Variants in HGFAC observed in about 807,000 individuals in gnomAD.
The protein encoded by HGFAC is HGF activator.
A neutral mutation model predicts 70.6 loss-of-function variants in HGFAC; 76 were observed. That is an observed-to-expected ratio of 1.08 (90% CI 0.89 to 1.30). The LOEUF is 1.30. Among genes scored for constraint, HGFAC ranks in the 50% most tolerant of loss-of-function variants. HGFAC has a pLI of 0.00. For synonymous variants in HGFAC, 464 were observed against 405.3 expected, an observed-to-expected ratio of 1.14 and a Z score of -1.74; for missense variants, 1,044 against 933.7, an observed-to-expected ratio of 1.12 and a Z score of -1.54.
chr4:3,446,357 T>C (rs1255138995), intron 10 of HGFAC, 63 bp downstream of exon 10: 1 of 1,549,780 alleles, frequency 6.5e-7, no homozygotes, highest in Non-Finnish European at 8.7e-7. Context: ...AGCGTCACTA[T>C]GCGCCTGTCC....
intron 13 of HGFAC, among the ~76,000 whole-genome samples, chr4:3,448,714 C>T (rs1022941498): frequency 1.1e-4 from 16 of 152,196 alleles, no homozygotes; most frequent in East Asian, 3.9e-4. Flanking sequence ...TGTGCTCAGG[C>T]GGCACGGCAA....
intron 4 of HGFAC, 64 bp from the exon 5 acceptor site, chr4:3,443,975 A>G (rs1725399422): frequency 4.7e-6 from 7 of 1,497,830 alleles, no homozygotes; most frequent in Non-Finnish European, 6.3e-6. Flanking sequence ...GCAAGCAGAG[A>G]ATGTCACAGA....
In HGFAC at chr4:3,444,132, G is replaced by C; in HGVS notation, c.569G>C (p.Arg190Pro). 2 of 1,611,350 alleles carry C rather than the reference G, an allele frequency of 1.2e-6. No individual in the cohort carries two copies. The highest frequency in any genetic ancestry group is 1.7e-6 in the Non-Finnish European group (2 of 1,179,340). Residue 190 changes from arginine to proline, a missense_variant, in exon 5 of 14, where the codon CGG (arginine) becomes CCG (proline). Coordinates refer to ENST00000382774, the MANE Select transcript of HGFAC (RefSeq NM_001528.4). ...CAGTCCTATCACTGCAGCTGCCCCC[G>C]GGCCTTCACCGGCAAGGACTGCGGC... ...DPQSYHCSCP[R>P]AFTGKDCGTE...
chr4:3,446,604 T>G (rs1005213736), intron 10 of HGFAC, among the ~76,000 whole-genome samples: 1 of 151,944 alleles, frequency 6.6e-6, no homozygotes, highest in Non-Finnish European at 1.5e-5. Flanking sequence ...GCCCCGCCCC[T>G]CCCAGAGTCC....
intron 9 of HGFAC, chr4:3,445,695 GC>G: frequency 3.2e-6 from 2 of 634,018 alleles, no homozygotes; most frequent in Non-Finnish European, 2.7e-6. Context: ...CTGGGGAGAG[GC>G]CCCCCGGCTC....
chr4:3,446,151 G>T lies in HGFAC; in HGVS notation c.1212G>T (p.Leu404=). Residue 404 remains leucine (L), a synonymous_variant, in exon 10 of 14, where the codon CTG becomes CTT. Coordinates refer to ENST00000382774, the MANE Select transcript of HGFAC (RefSeq NM_001528.4). ...CGRRHKKRTF[L]RPRIIGGSSS... is the part of the protein sequence containing the mutation. ...GGAGGCACAAGAAGAGGACGTTCCTGCGGCCACGTATCATCGGCGGCTCCT... is the reference window on the plus strand; with the variant it reads ...GGAGGCACAAGAAGAGGACGTTCCTTCGGCCACGTATCATCGGCGGCTCCT... 3.1e-6 allele frequency: 5 copies of T among 1,611,844 alleles called. No homozygotes were observed. Among genetic ancestry groups the T allele is most frequent in the Non-Finnish European group, 4.2e-6 (5 of 1,179,600 alleles).
chr4:3,445,254 A>C lies in HGFAC; in HGVS notation c.1017-11A>C. ...TGTGACTCCCTGCCAGCCCCCACTT[A>C]TGCACCGCAGGAATCCGGACAATGA... On this transcript the variant is annotated splice_polypyrimidine_tract_variant and intron_variant, in intron 8 of 13. Transcript: ENST00000382774. The C allele has an allele frequency of 6.4e-7, 1 of 1,562,202 alleles. No homozygotes were observed.
chr4:3,444,201 G>A (rs555301746), intron 5 of HGFAC, 40 bp downstream of exon 5: 53 of 1,570,090 alleles, frequency 3.4e-5, no homozygotes, highest in Middle Eastern at 3.5e-4. Flanking sequence ...TCCAGGGGCC[G>A]GAGCAAGTCC....
chr4:3,448,903 G>C (rs1410316191), intron 13 of HGFAC, among the ~76,000 whole-genome samples: 1 of 152,170 alleles, frequency 6.6e-6, no homozygotes, highest in African/African-American at 2.4e-5. Flanking sequence ...TGTTTGCACT[G>C]GTCCTGAGTG....
At position 3,447,889 on chromosome 4, in the gene HGFAC, G is replaced by A. The variant is rs754565481; in HGVS notation, c.1496-6G>A. 4 of 1,610,672 alleles carry A rather than the reference G, an allele frequency of 2.5e-6. No homozygotes were observed. In the South Asian group the frequency reaches 4.4e-5, roughly 18 times the overall value. On this transcript the variant is annotated splice_polypyrimidine_tract_variant and splice_region_variant and intron_variant, in intron 11 of 13. Coordinates refer to ENST00000382774, the MANE Select transcript of HGFAC (RefSeq NM_001528.4). Reference sequence around the variant, plus strand: ...ACAGGCTGACCCTGGCCACTCTTCTGATCAGTCCTGATCCGGCTGAAGAAG... The same window carrying A: ...ACAGGCTGACCCTGGCCACTCTTCTAATCAGTCCTGATCCGGCTGAAGAAG...
chr4:3,448,421 C>A, intron 13 of HGFAC, 145 bp downstream of exon 13: 1 of 1,010,402 alleles, frequency 9.9e-7, no homozygotes, highest in East Asian at 2.6e-5. Context: ...GCAGGGAGCA[C>A]ACTTACTGTC....
In HGFAC at chr4:3,443,958, C is replaced by T. The variant is rs144207097; in HGVS notation, c.476-81C>T. 2.2e-4 allele frequency: 322 copies of T among 1,443,964 alleles called. No homozygotes were observed. In the East Asian group the frequency reaches 4.7e-3, roughly 21 times the overall value. The allele number at this position is 1,443,964 out of a possible 1,614,324, so 89.4% of individuals were successfully genotyped here. ...GAGCCCCTCACTGGGGCCTGATGGA[C>T]GCCTTAGCAAGCAGAGAATGTCACA... is the stretch of plus-strand genomic sequence containing the variant. On this transcript the variant is annotated intron_variant, in intron 4 of 13. Coordinates refer to ENST00000382774, the MANE Select transcript of HGFAC (RefSeq NM_001528.4).
intron 13 of HGFAC, among the ~76,000 whole-genome samples, chr4:3,448,507 T>C (rs1725612043): frequency 6.6e-6 from 1 of 152,100 alleles, no homozygotes; most frequent in Non-Finnish European, 1.5e-5. Context: ...AGACCCAGGC[T>C]CTGAGAGGGG....
At chr4:3,445,458 A>G in intron 9 of HGFAC, 108 bp downstream of exon 9, 1 of 804,418 alleles carries the variant, frequency 1.2e-6, no homozygotes. Flanking sequence ...TCTCTGACAA[A>G]TGGGGAAACT....
intron 4 of HGFAC, 70 bp from the exon 5 acceptor site, chr4:3,443,969 G>A: frequency 6.7e-7 from 1 of 1,487,428 alleles, no homozygotes; most frequent in Non-Finnish European, 9.0e-7. Context: ...GCCTTAGCAA[G>A]CAGAGAATGT....
intron 1 of HGFAC, 82 bp from the exon 2 acceptor site, chr4:3,442,649 AG>A: frequency 9.6e-7 from 1 of 1,037,214 alleles, no homozygotes; most frequent in Non-Finnish European, 1.3e-6. Flanking sequence ...GTATGGAAAC[AG>A]GCTCAGGGCT....
intron 10 of HGFAC, 50 bp from the exon 11 acceptor site, chr4:3,447,442 G>T (rs549044627): frequency 6.2e-7 from 1 of 1,603,556 alleles, no homozygotes; most frequent in African/African-American, 1.3e-5. Context: ...AGGTGAGCCC[G>T]GTGGCTGGGG....
At position 3,444,633 on chromosome 4, in the gene HGFAC, C is replaced by A; in HGVS notation, c.741C>A (p.Ser247Arg). 1 of 1,594,918 alleles carries A rather than the reference C, an allele frequency of 6.3e-7. No individual in the cohort carries two copies. Among genetic ancestry groups the A allele is most frequent in the Non-Finnish European group, 8.5e-7 (1 of 1,176,674 alleles). ...CGGCCCTGCCCCCAGCTTGTCTGAG[C>A]AGCCCTTGCCTGAACGGGGGCACCT... Reference protein sequence around the residue: ...CEGTRHTACLSSPCLNGGTCH... With the variant: ...CEGTRHTACLRSPCLNGGTCH... Residue 247 changes from serine to arginine, a missense_variant, in exon 7 of 14, where the codon AGC becomes AGA. Transcript: ENST00000382774.
Position 3,448,222 on chromosome 4 carries a change from C to A in HGFAC, c.1731C>A (p.Ile577=). The A allele has an allele frequency of 6.2e-7, 1 of 1,608,908 alleles. No individual in the cohort carries two copies. Residue 577 remains isoleucine, a synonymous_variant, in exon 13 of 14, where the codon ATC becomes ATA. Transcript: ENST00000382774. The part of the protein sequence containing the change: ...CSSPEVYGAD[I]SPNMLCAGYF... Reference sequence around the variant, plus strand: ...GCCCTGAGGTCTACGGCGCCGACATCAGCCCCAACATGCTCTGTGCCGGCT... The same window carrying A: ...GCCCTGAGGTCTACGGCGCCGACATAAGCCCCAACATGCTCTGTGCCGGCT...
Sources: gnomAD v4.1 joint callset for allele counts (sites outside exome capture counted in the v4.1 genomes callset) on GRCh38, gnomAD v4.1.1 for gene constraint, MANE v1.5 for transcripts, NCBI Gene and HGNC (gene_info 2026-07-23, HGNC 2026-07-21) for gene names.